The following LYRM9 variants were observed in gnomAD, a reference collection of about 807,000 sequenced individuals.
LYRM9 encodes the protein LYR motif containing 9.
In LYRM9, 14 loss-of-function variants were observed where a neutral mutation model predicts 12.6. The ratio of observed to expected loss-of-function variants is 1.11; its 90% CI spans 0.73 to 1.73. The LOEUF (loss-of-function observed/expected upper bound fraction) is 1.73, where lower values mean the gene tolerates loss of function less well. Among genes scored for constraint, LYRM9 ranks in the 40% most tolerant of loss-of-function variants. The pLI, the probability that LYRM9 is intolerant of heterozygous loss-of-function variation, is 0.00. For missense variants in LYRM9, 94 were observed against 95.0 expected (o/e 0.99, Z 0.04); for synonymous variants, 42 against 35.1 (o/e 1.20, Z -0.69).
chr17:27,883,835 TAAAAA>T (rs781375467), intron 1 of LYRM9, among the ~76,000 whole-genome samples: 10 of 24,570 alleles, frequency 4.1e-4, no homozygotes, highest in African/African-American at 1.1e-3. Flanking sequence ...AGCCTTTTTC[TAAAAA>T]AAAAAAAAAA....
intron 1 of LYRM9, among the ~76,000 whole-genome samples, chr17:27,888,816 A>C (rs1002583298): frequency 2.6e-5 from 4 of 152,212 alleles, no homozygotes; most frequent in African/African-American, 9.7e-5. Context: ...TCCAAGTGGC[A>C]GGAAACTCAC....
intron 1 of LYRM9, among the ~76,000 whole-genome samples, chr17:27,890,416 G>A (rs964508387): frequency 6.6e-6 from 1 of 152,022 alleles, no homozygotes; most frequent in Non-Finnish European, 1.5e-5. Flanking sequence ...AAGAAAGAAA[G>A]AGTCACCAGG....
chr17:27,882,316 A>G (rs752670783), intron 2 of LYRM9, among the ~76,000 whole-genome samples: 31 of 152,190 alleles, frequency 2.0e-4, no homozygotes, highest in Non-Finnish European at 4.4e-5. Context: ...GTCGTGTCCC[A>G]CAGTCTATTT....
chr17:27,890,162 C>T (rs889918287), intron 1 of LYRM9, among the ~76,000 whole-genome samples: 2 of 152,170 alleles, frequency 1.3e-5, no homozygotes, highest in East Asian at 1.9e-4. Flanking sequence ...TTATCTGCTT[C>T]GTGAATCTAC....
intron 1 of LYRM9, chr17:27,892,502 G>A: frequency 2.3e-6 from 1 of 429,668 alleles, no homozygotes; most frequent in Non-Finnish European, 4.6e-6. Context: ...CCTATGGCAG[G>A]TGAACCCAGA....
chr17:27,880,072 C>G, intron 3 of LYRM9: 2 of 701,592 alleles, frequency 2.9e-6, no homozygotes, highest in Middle Eastern at 2.4e-4. Context: ...AGTGAGAGCC[C>G]CTCCCCACTT....
intron 1 of LYRM9, among the ~76,000 whole-genome samples, chr17:27,890,006 T>C (rs1905376447): frequency 6.6e-6 from 1 of 152,146 alleles, no homozygotes; most frequent in African/African-American, 2.4e-5. Context: ...CACAACAATA[T>C]TTTAAGGGAG....
Position 27,880,306 on chromosome 17 carries a change from C to T in LYRM9, c.187G>A (p.Ala63Thr), listed in dbSNP as rs199745454. 4.3e-6 allele frequency: 7 copies of T among 1,610,592 alleles called. No homozygotes were observed. The Admixed American group carries it at 8.4e-5, about 19-fold the overall frequency. ...PERIQQIIKR[A>T]IEDADWIMNK... ...ATGATCCAGTCAGCATCTTCAATGGCTCTTTTAATAATCTGCTGGATTCTC... is the reference window on the plus strand; with the variant it reads ...ATGATCCAGTCAGCATCTTCAATGGTTCTTTTAATAATCTGCTGGATTCTC... The change falls in exon 3 of 4, where the codon GCC (alanine) becomes ACC (threonine). Residue 63 changes from alanine (A) to threonine (T), a missense_variant. Physicochemically the swap from Ala to Thr is moderately conservative, Grantham distance 58 (BLOSUM62 0). Transcript: ENST00000379102.
At chr17:27,892,575 TACGAAACATCCAG>T (rs1905493705) in intron 1 of LYRM9, 1 of 356,238 alleles carries the variant, frequency 2.8e-6, no homozygotes, top group African/African-American at 2.2e-5. Context: ...ATTCCATTTA[TACGAAACATCCAG>T]AATAGGCAAA....
rs569656435 is a variant in LYRM9 at position 27,890,094 on chromosome 17, A to G, written c.-19+3223T>C. The stretch of plus-strand genomic sequence containing the variant: ...GTAATTTGCCAAGAGCAACAAGGCT[A>G]GTATAGAGCAAGGCCCGGAATAGAA... On this transcript the variant is annotated intron_variant, in intron 1 of 3. Transcript: ENST00000379102. Among the ~76,000 whole-genome samples the G allele has an allele frequency of 6.4e-4, 98 of 152,372 alleles. 1 individual carries two copies. The highest frequency in any genetic ancestry group is 3.4e-3 in the Middle Eastern group (1 of 294).
At chr17:27,885,377 AG>A (rs576062660) in intron 1 of LYRM9, among the ~76,000 whole-genome samples, 91 of 152,290 alleles carry the variant, frequency 6.0e-4, no homozygotes, top group African/African-American at 1.9e-3. Context: ...GCCACATAGC[AG>A]AAGGCAGAGC....
Position 27,879,132 on chromosome 17 carries a change from C to G in LYRM9, c.*341G>C. The G allele has an allele frequency of 4.0e-6, 1 of 252,354 alleles. No homozygotes were observed. The highest frequency in any genetic ancestry group is 7.7e-6 in the Non-Finnish European group (1 of 130,156). The allele number at this position is 252,354 out of a possible 1,614,324, so 15.6% of individuals were successfully genotyped here. A position where few individuals can be genotyped will look rare whatever the true frequency, so the allele number is the denominator to read the frequency against. The stretch of plus-strand genomic sequence containing the variant: ...GTTGCTACCTGAGGGGACATCTGCT[C>G]TGGGACTCAGAGAATGATAAAGAGA... On this transcript the variant is annotated 3_prime_UTR_variant, in exon 4 of 4. Coordinates refer to ENST00000379102, the MANE Select transcript of LYRM9 (RefSeq NM_001076680.3).
chr17:27,892,207 G>C (rs546503604), intron 1 of LYRM9: 1 of 278,872 alleles, frequency 3.6e-6, no homozygotes, highest in East Asian at 1.0e-4. Flanking sequence ...TGAGATTATG[G>C]GCATGAGCCA....
Position 27,878,395 on chromosome 17 carries a change from G to A in LYRM9, c.*1078C>T, listed in dbSNP as rs1401821682. The A allele has an allele frequency of 6.6e-6, 1 of 152,240 alleles. No individual in the cohort carries two copies. Among genetic ancestry groups the A allele is most frequent in the African/African-American group, 2.4e-5 (1 of 41,456 alleles). 9.4% of individuals were successfully genotyped at this position (152,240 alleles called of 1,614,324 possible). On this transcript the variant is annotated 3_prime_UTR_variant, in exon 4 of 4. Coordinates refer to ENST00000379102, the MANE Select transcript of LYRM9 (RefSeq NM_001076680.3). ...ATATATTTACTTCATTGCCAGCGGA[G>A]TACACTCGCATACATAGATATCTCT...
chr17:27,879,481 G>T lies in LYRM9; in HGVS notation c.229C>A (p.Gln77Lys), dbSNP rs1466557486. ...GCTCACCCTCGGAGCTCTCAGTTTT[G>T]TTTTTTATACTGCAAGACAGAGAGA... is the stretch of plus-strand genomic sequence containing the variant. ...ADWIMNKYKK[Q>K]N Residue 77 changes from glutamine to lysine, a missense_variant, in exon 4 of 4, where the codon CAA (glutamine) becomes AAA (lysine). By Grantham distance (53) the Gln-to-Lys change is moderately conservative. Transcript: ENST00000379102. The T allele has an allele frequency of 6.4e-7, 1 of 1,552,036 alleles. No individual in the cohort carries two copies. The highest frequency in any genetic ancestry group is 8.7e-7 in the Non-Finnish European group (1 of 1,147,278).
intron 1 of LYRM9, among the ~76,000 whole-genome samples, chr17:27,890,200 T>C (rs370505154): frequency 6.6e-6 from 1 of 152,108 alleles, no homozygotes; most frequent in Admixed American, 6.5e-5. Context: ...CTCATAAAAA[T>C]ACTGACCAGA....
Position 27,880,372 on chromosome 17 carries a change from A to C in LYRM9, c.127-6T>G, listed in dbSNP as rs748232970. On this transcript the variant is annotated splice_polypyrimidine_tract_variant and splice_region_variant and intron_variant, in intron 2 of 3. Coordinates refer to ENST00000379102, the MANE Select transcript of LYRM9 (RefSeq NM_001076680.3). ...TCTGAATGAACCCGAAAACTCTGCA[A>C]GTTTAAGCATAAAGAAAGATGACTA... 1 of 1,595,324 alleles carries C rather than the reference A, an allele frequency of 6.3e-7. No individual in the cohort carries two copies. The highest frequency in any genetic ancestry group is 1.3e-5 in the African/African-American group (1 of 74,670).
chr17:27,883,171 A>G (rs1288817172), intron 1 of LYRM9: 7 of 361,614 alleles, frequency 1.9e-5, no homozygotes, highest in African/African-American at 6.4e-5. Context: ...CAAAACCCAC[A>G]GCATCGGGAG....
intron 1 of LYRM9, among the ~76,000 whole-genome samples, chr17:27,885,896 A>G (rs989724512): frequency 6.6e-6 from 1 of 151,956 alleles, no homozygotes; most frequent in Non-Finnish European, 1.5e-5. Context: ...TTCTTCCACA[A>G]TGCAATCTGA....
Sources: allele counts gnomAD v4.1 joint callset (sites outside exome capture counted in the v4.1 genomes callset), GRCh38; gene constraint gnomAD v4.1.1; transcripts MANE v1.5; gene names NCBI Gene and HGNC (gene_info 2026-07-23, HGNC 2026-07-21).